The following AKAP6 variants were observed in gnomAD, a reference collection of about 807,000 sequenced individuals.
The protein encoded by AKAP6 is A-kinase anchoring protein 6, also known as A-kinase anchor protein 6.
AKAP6 carries 58 observed loss-of-function variants against 188.5 expected under a neutral mutation model. The ratio of observed to expected loss-of-function variants is 0.31; its 90% CI spans 0.25 to 0.38. AKAP6 has a LOEUF of 0.38. AKAP6 is among the 10% of genes least tolerant of loss of function. AKAP6 has a pLI of 1.00. For missense variants in AKAP6, 2,710 were observed against 2,740.0 expected, an observed-to-expected ratio of 0.99 and a Z score of 0.24; for synonymous variants, 989 against 998.6, an observed-to-expected ratio of 0.99 and a Z score of 0.18.
chr14:32,741,224 T>A (rs2031660347), intron 11 of AKAP6, among the ~76,000 whole-genome samples: 1 of 152,106 alleles, frequency 6.6e-6, no homozygotes, highest in Non-Finnish European at 1.5e-5. Context: ...ATGTTGATTT[T>A]GTATCCCGCA....
chr14:32,541,398 G>GC (rs1882950924), intron 3 of AKAP6, among the ~76,000 whole-genome samples: 1 of 151,764 alleles, frequency 6.6e-6, no homozygotes, highest in Non-Finnish European at 1.5e-5. Context: ...TTATTCTCGA[G>GC]CAAGACAGTA....
chr14:32,533,937 A>G (rs1366414453), intron 2 of AKAP6, among the ~76,000 whole-genome samples: 2 of 152,172 alleles, frequency 1.3e-5, no homozygotes, highest in Admixed American at 6.5e-5. Flanking sequence ...TTCAAAGTTC[A>G]TCTAGTTTAA....
At chr14:32,475,055 A>G (rs975221478) in intron 2 of AKAP6, among the ~76,000 whole-genome samples, 27 of 152,176 alleles carry the variant, frequency 1.8e-4, no homozygotes, top group Non-Finnish European at 3.5e-4. Flanking sequence ...AACATTCCTT[A>G]TACAAAGGAA....
At chr14:32,733,685 A>G (rs1041101491) in intron 10 of AKAP6, 21 of 152,186 alleles carry the variant, frequency 1.4e-4, no homozygotes, top group Admixed American at 1.3e-4. Context: ...GTAACTTAAA[A>G]TGTTAAAAGT....
chr14:32,595,716 A>C (rs1163891069), intron 5 of AKAP6, among the ~76,000 whole-genome samples: 1 of 151,994 alleles, frequency 6.6e-6, no homozygotes, highest in East Asian at 1.9e-4. Flanking sequence ...TTCCTATATA[A>C]AATTTTTTAA....
intron 1 of AKAP6, among the ~76,000 whole-genome samples, chr14:32,426,327 A>C (rs1890029834): frequency 6.6e-6 from 1 of 152,068 alleles, no homozygotes; most frequent in Non-Finnish European, 1.5e-5. Flanking sequence ...GAGGTGTGAG[A>C]AAGAGATTGT....
intron 11 of AKAP6, among the ~76,000 whole-genome samples, chr14:32,769,036 G>GTTTTTTTTTTT (rs1566698267): frequency 3.7e-3 from 68 of 18,462 alleles, no homozygotes; most frequent in Admixed American, 7.7e-3. Flanking sequence ...CTGCTCTTTT[G>GTTTTTTTTTTT]ATTTTTTTTT....
At chr14:32,542,068 A>G (rs1230332429) in intron 3 of AKAP6, among the ~76,000 whole-genome samples, 2 of 152,228 alleles carry the variant, frequency 1.3e-5, no homozygotes, top group Non-Finnish European at 2.9e-5. Flanking sequence ...TATATTACAT[A>G]TCTTACATAT....
At chr14:32,555,547 G>A (rs1427921707) in intron 4 of AKAP6, among the ~76,000 whole-genome samples, 2 of 152,090 alleles carry the variant, frequency 1.3e-5, no homozygotes, top group African/African-American at 2.4e-5. Flanking sequence ...TCTCCAGAAC[G>A]TTTTCATCTT....
chr14:32,757,102 G>A (rs1481074467), intron 11 of AKAP6, among the ~76,000 whole-genome samples: 1 of 152,138 alleles, frequency 6.6e-6, no homozygotes, highest in Non-Finnish European at 1.5e-5. Context: ...TCCATGTTGT[G>A]CTGCCGAGGC....
chr14:32,521,724 G>A (rs1263781058), intron 2 of AKAP6, among the ~76,000 whole-genome samples: 5 of 152,286 alleles, frequency 3.3e-5, no homozygotes, highest in Middle Eastern at 3.4e-3. Flanking sequence ...CATGCTCATG[G>A]TTAGGAAGAA....
At chr14:32,374,231 AC>A (rs1319198150) in intron 1 of AKAP6, among the ~76,000 whole-genome samples, 2 of 149,694 alleles carry the variant, frequency 1.3e-5, no homozygotes, top group African/African-American at 5.1e-5. Context: ...TGGGAAAAAC[AC>A]ATACGTAAGT....
At chr14:32,547,778 A>AG (rs1302666341) in intron 4 of AKAP6, among the ~76,000 whole-genome samples, 1 of 151,692 alleles carries the variant, frequency 6.6e-6, no homozygotes, top group Non-Finnish European at 1.5e-5. Flanking sequence ...GAGGAGGTTG[A>AG]GGCTGCAGTG....
At chr14:32,436,867 T>C (rs549291718) in intron 2 of AKAP6, among the ~76,000 whole-genome samples, 18 of 152,152 alleles carry the variant, frequency 1.2e-4, no homozygotes, top group Non-Finnish European at 2.2e-4. Context: ...GCCTGGGAAA[T>C]TGAGGCTGCT....
chr14:32,821,316 A>G, intron 12 of AKAP6, 86 bp from the exon 13 acceptor site: 2 of 1,442,808 alleles, frequency 1.4e-6, no homozygotes, highest in Non-Finnish European at 1.9e-6. Flanking sequence ...TTCTTTCCTG[A>G]GTCTTCTGAG....
At chr14:32,497,870 C>T (rs1262167818) in intron 2 of AKAP6, among the ~76,000 whole-genome samples, 3 of 151,950 alleles carry the variant, frequency 2.0e-5, no homozygotes, top group Non-Finnish European at 4.4e-5. Context: ...TGAACTCATC[C>T]CTTTATCATT....
At chr14:32,615,128 C>T (rs145694459) in intron 7 of AKAP6, among the ~76,000 whole-genome samples, 37 of 123,428 alleles carry the variant, frequency 3.0e-4, no homozygotes, top group African/African-American at 9.5e-4. Flanking sequence ...GAGATGGTGC[C>T]GCTGCACTTC....
At chr14:32,475,442 CTTA>C (rs1879011557) in intron 2 of AKAP6, among the ~76,000 whole-genome samples, 1 of 152,112 alleles carries the variant, frequency 6.6e-6, no homozygotes, top group South Asian at 2.1e-4. Context: ...GTTGTGGGTT[CTTA>C]TTTTAAAGGT....
intron 4 of AKAP6, among the ~76,000 whole-genome samples, chr14:32,573,455 A>G (rs1398047007): frequency 6.6e-6 from 1 of 152,178 alleles, no homozygotes; most frequent in Non-Finnish European, 1.5e-5. Flanking sequence ...TCCGATACAG[A>G]TATAATAATT....
Sources: allele counts gnomAD v4.1 joint callset (sites outside exome capture counted in the v4.1 genomes callset), GRCh38; gene constraint gnomAD v4.1.1; transcripts MANE v1.5; gene names NCBI Gene and HGNC (gene_info 2026-07-23, HGNC 2026-07-21).